Variants in CACNA1C observed in about 807,000 individuals in gnomAD.
CACNA1C encodes voltage-dependent L-type calcium channel subunit alpha-1C.
CACNA1C carries 30 observed loss-of-function variants against 229.0 expected under a neutral mutation model. The observed-to-expected ratio is 0.13, with a 90% CI of 0.10 to 0.18. CACNA1C has a LOEUF of 0.18. CACNA1C is among the 10% of genes least tolerant of loss of function. The probability of loss-of-function intolerance (pLI) is 1.00; values close to 1 mark genes in which losing one functional copy is unlikely to be tolerated. For missense variants in CACNA1C, 1,658 were observed against 2,845.0 expected (o/e 0.58, Z 9.49); for synonymous variants, 1,114 against 1,132.5 (o/e 0.98, Z 0.33).
intron 3 of CACNA1C, among the ~76,000 whole-genome samples, chr12:2,286,070 G>A (rs901676849): frequency 3.9e-5 from 6 of 152,174 alleles, no homozygotes; most frequent in African/African-American, 1.2e-4. Flanking sequence ...ATGTTGCCTC[G>A]TGTGAATTAT....
rs548562508 is a variant in CACNA1C, at chr12:2,138,336, C to T, written c.477+17906C>T. On this transcript the variant is annotated intron_variant, in intron 3 of 46. Transcript: ENST00000399655. ...CTTCACAGGGCTGGGGAGCACAAGC[C>T]TTGGTGTGGCCTGTGCTTGCAGATG... Among the ~76,000 whole-genome samples the T allele has an allele frequency of 8.6e-5, 13 of 151,330 alleles. No homozygotes were observed. In the East Asian group the frequency reaches 2.5e-3, roughly 29 times the overall value.
At chr12:2,242,635 C>T (rs757333371) in intron 3 of CACNA1C, among the ~76,000 whole-genome samples, 2 of 152,158 alleles carry the variant, frequency 1.3e-5, no homozygotes, top group Non-Finnish European at 2.9e-5. Flanking sequence ...GAGGCCCAAC[C>T]GGATTCTTTA....
chr12:2,025,306 G>A (rs112990110), intron 1 of CACNA1C, among the ~76,000 whole-genome samples: 3 of 152,326 alleles, frequency 2.0e-5, no homozygotes, highest in East Asian at 3.9e-4. Flanking sequence ...GATTCCAAGC[G>A]GTGGTGTCTC....
chr12:2,292,270 G>T (rs996628625), intron 3 of CACNA1C, among the ~76,000 whole-genome samples: 1 of 152,246 alleles, frequency 6.6e-6, no homozygotes, highest in Non-Finnish European at 1.5e-5. Context: ...CTAGTGGACA[G>T]GTCCATCCTC....
chr12:2,151,176 C>A (rs1057315801), intron 3 of CACNA1C, among the ~76,000 whole-genome samples: 1 of 152,166 alleles, frequency 6.6e-6, no homozygotes, highest in African/African-American at 2.4e-5. Flanking sequence ...GTTTATGGAT[C>A]ATTGGAGCTA....
intron 1 of CACNA1C, chr12:1,993,232 T>G (rs1477142813): frequency 1.2e-6 from 2 of 1,613,852 alleles, no homozygotes; most frequent in African/African-American, 2.7e-5. Context: ...ACTTCAGAAG[T>G]AAAACAACCC....
Position 2,025,141 on chromosome 12 carries a change from T to C in CACNA1C, c.139+53940T>C, listed in dbSNP as rs553327624. The stretch of plus-strand genomic sequence containing the variant: ...CAGTTCCCTTACCCTGCGTTCTCTG[T>C]CTCTTTGTGCAATTCTGTGGTCGTA... On this transcript the variant is annotated intron_variant, in intron 1 of 46. Transcript: ENST00000682462. Among the ~76,000 whole-genome samples, 7 of 152,254 alleles carry C rather than the reference T, an allele frequency of 4.6e-5. 1 individual carries two copies. The South Asian group carries it at 1.5e-3, about 32-fold the overall frequency.
intron 3 of CACNA1C, among the ~76,000 whole-genome samples, chr12:2,337,965 T>C (rs192479986): frequency 3.3e-4 from 50 of 152,288 alleles, no homozygotes; most frequent in Admixed American, 3.1e-3. Context: ...TCTCCTTAAT[T>C]GTCCCCTTTC....
chr12:2,095,732 A>G (rs1473285904), intron 1 of CACNA1C, among the ~76,000 whole-genome samples: 2 of 152,182 alleles, frequency 1.3e-5, no homozygotes, highest in African/African-American at 4.8e-5. Flanking sequence ...GAAGATGGCA[A>G]ACAGACGCCC....
intron 3 of CACNA1C, among the ~76,000 whole-genome samples, chr12:2,448,686 TA>T (rs2099323884): frequency 6.6e-6 from 1 of 151,938 alleles, no homozygotes; most frequent in Non-Finnish European, 1.5e-5. Context: ...ACTGATTAAC[TA>T]AATAAAATGT....
intron 3 of CACNA1C, among the ~76,000 whole-genome samples, chr12:2,431,124 C>T (rs1346721313): frequency 7.9e-5 from 12 of 152,152 alleles, no homozygotes; most frequent in Admixed American, 5.9e-4. Context: ...GTCAGTAGTT[C>T]CCAGGCCCTG....
Position 2,691,891 on chromosome 12 carries a change from T to G in CACNA1C, c.*692T>G, listed in dbSNP as rs888005554. The G allele has an allele frequency of 6.6e-6, 1 of 152,246 alleles. No homozygotes were observed. Among genetic ancestry groups the G allele is most frequent in the African/African-American group, 2.4e-5 (1 of 41,470 alleles). 9.4% of individuals were successfully genotyped at this position (152,246 alleles called of 1,614,324 possible). ...CAACCAGGTGGTGCTGAGCTTCCGC[T>G]GAGCGCTCTTTTGTTTTGTGGTTTG... On this transcript the variant is annotated 3_prime_UTR_variant, in exon 47 of 47. Coordinates refer to ENST00000399655, the MANE Select transcript of CACNA1C (RefSeq NM_000719.7).
At chr12:2,059,673 C>T (rs2056706713) in intron 1 of CACNA1C, among the ~76,000 whole-genome samples, 3 of 152,104 alleles carry the variant, frequency 2.0e-5, no homozygotes, top group Non-Finnish European at 4.4e-5. Context: ...AATGTAATGT[C>T]TCTTTGGGAA....
chr12:2,265,447 C>T (rs1266833053), intron 3 of CACNA1C, among the ~76,000 whole-genome samples: 1 of 152,218 alleles, frequency 6.6e-6, no homozygotes, highest in Admixed American at 6.5e-5. Flanking sequence ...GTTTCCTCTA[C>T]TTCCACCTTA....
intron 3 of CACNA1C, among the ~76,000 whole-genome samples, chr12:2,304,287 G>A (rs926139611): frequency 6.6e-6 from 1 of 152,166 alleles, no homozygotes; most frequent in Non-Finnish European, 1.5e-5. Context: ...CCAGAAGAAA[G>A]CTGGAGGGCG....
intron 1 of CACNA1C, among the ~76,000 whole-genome samples, chr12:2,109,990 CTG>C (rs1254008453): frequency 6.6e-6 from 1 of 152,190 alleles, no homozygotes; most frequent in Non-Finnish European, 1.5e-5. Flanking sequence ...CCTTAGCAAA[CTG>C]TGTTGAGCAT....
At chr12:2,314,713 G>A (rs1395614166) in intron 3 of CACNA1C, among the ~76,000 whole-genome samples, 1 of 152,164 alleles carries the variant, frequency 6.6e-6, no homozygotes. Context: ...ATGTTCATCA[G>A]TGTATAGTGT....
Position 2,188,893 on chromosome 12 carries a change from C to G in CACNA1C, c.477+68463C>G, listed in dbSNP as rs557560119. Among the ~76,000 whole-genome samples, 46 of 152,068 alleles carry G rather than the reference C, an allele frequency of 3.0e-4. No individual in the cohort carries two copies. The South Asian group carries it at 6.0e-3, about 20-fold the overall frequency. The stretch of plus-strand genomic sequence containing the variant: ...GGATCACGAGGTCAGGAGATCAAGA[C>G]CATCCTGGCTAATATGGTGAAACCC... On this transcript the variant is annotated intron_variant, in intron 3 of 46. Transcript: ENST00000399655.
intron 3 of CACNA1C, among the ~76,000 whole-genome samples, chr12:2,306,805 C>T (rs1266705657): frequency 6.6e-6 from 1 of 152,206 alleles, no homozygotes; most frequent in Non-Finnish European, 1.5e-5. Context: ...CCTTGGGAGG[C>T]AGAGCTAATC....
Sources: gnomAD v4.1 joint callset for allele counts (sites outside exome capture counted in the v4.1 genomes callset) on GRCh38, gnomAD v4.1.1 for gene constraint, MANE v1.5 for transcripts, NCBI Gene and HGNC (gene_info 2026-07-23, HGNC 2026-07-21) for gene names.